Variants in GALNTL6 observed in about 807,000 individuals in gnomAD.
GALNTL6 encodes polypeptide N-acetylgalactosaminyltransferase like 6.
Under a neutral mutation model 73.7 loss-of-function variants are expected in GALNTL6, and 46 were observed. The ratio of observed to expected loss-of-function variants is 0.62; its 90% CI spans 0.49 to 0.80. The LOEUF is 0.80. GALNTL6 is among the 30% of genes least tolerant of loss of function. GALNTL6 has a pLI of 0.00. For missense variants in GALNTL6, 604 were observed against 755.0 expected, an observed-to-expected ratio of 0.80 and a Z score of 2.34; for synonymous variants, 259 against 263.7, an observed-to-expected ratio of 0.98 and a Z score of 0.17.
chr4:172,794,076 T>C (rs1037405569), intron 5 of GALNTL6, among the ~76,000 whole-genome samples: 22 of 152,302 alleles, frequency 1.4e-4, no homozygotes, highest in African/African-American at 4.1e-4. Flanking sequence ...CCTGCATCAT[T>C]GTTTTTCAAT....
chr4:172,826,304 C>T (rs1446977133), intron 7 of GALNTL6, among the ~76,000 whole-genome samples: 1 of 152,220 alleles, frequency 6.6e-6, no homozygotes, highest in East Asian at 1.9e-4. Context: ...CCTTAGCGTC[C>T]GTTCAGCTGT....
At chr4:172,955,170 G>T (rs758985973) in intron 10 of GALNTL6, among the ~76,000 whole-genome samples, 1 of 152,096 alleles carries the variant, frequency 6.6e-6, no homozygotes, top group Non-Finnish European at 1.5e-5. Flanking sequence ...ACTCTAGGTG[G>T]GTAATAATAT....
intron 2 of GALNTL6, among the ~76,000 whole-genome samples, chr4:171,976,419 T>G (rs977449122): frequency 6.6e-6 from 1 of 152,258 alleles, no homozygotes. Context: ...CAGAGAATGC[T>G]GTTTCTGCAG....
intron 2 of GALNTL6, among the ~76,000 whole-genome samples, chr4:172,113,895 T>G (rs1373634794): frequency 3.3e-5 from 5 of 152,086 alleles, no homozygotes; most frequent in Non-Finnish European, 7.4e-5. Flanking sequence ...TTTTATTCGT[T>G]TACTTGTTTT....
intron 5 of GALNTL6, among the ~76,000 whole-genome samples, chr4:172,802,196 C>A (rs1378232685): frequency 6.6e-6 from 1 of 152,112 alleles, no homozygotes; most frequent in African/African-American, 2.4e-5. Flanking sequence ...GTATTACCAG[C>A]AGCTGAACAG....
intron 3 of GALNTL6, among the ~76,000 whole-genome samples, chr4:172,235,991 C>T (rs1737227807): frequency 6.6e-6 from 1 of 152,124 alleles, no homozygotes; most frequent in African/African-American, 2.4e-5. Flanking sequence ...TTATTTCATT[C>T]ATTTTTATGG....
intron 2 of GALNTL6, among the ~76,000 whole-genome samples, chr4:172,153,182 T>C (rs1734152262): frequency 6.6e-6 from 1 of 152,160 alleles, no homozygotes; most frequent in Admixed American, 6.5e-5. Flanking sequence ...AATATACAGC[T>C]TTGACATCTG....
At chr4:172,620,014 C>T (rs748136901) in intron 5 of GALNTL6, among the ~76,000 whole-genome samples, 25 of 152,170 alleles carry the variant, frequency 1.6e-4, no homozygotes, top group Non-Finnish European at 2.9e-4. Flanking sequence ...GCTACCTTTC[C>T]TTTCATTATG....
chr4:172,183,594 C>G (rs1350408179), intron 2 of GALNTL6, among the ~76,000 whole-genome samples: 2 of 152,136 alleles, frequency 1.3e-5, no homozygotes, highest in African/African-American at 4.8e-5. Flanking sequence ...TTCATTTTGG[C>G]TTCTCTTATT....
chr4:172,783,943 G>A (rs1267080657), intron 5 of GALNTL6, among the ~76,000 whole-genome samples: 2 of 152,098 alleles, frequency 1.3e-5, no homozygotes, highest in African/African-American at 4.8e-5. Flanking sequence ...AAGCTGGTAA[G>A]ATTGTAGCAA....
At chr4:172,185,661 T>C (rs1735394498) in intron 2 of GALNTL6, among the ~76,000 whole-genome samples, 1 of 152,190 alleles carries the variant, frequency 6.6e-6, no homozygotes, top group Non-Finnish European at 1.5e-5. Context: ...TTAGTAAATA[T>C]TAAAAATGTG....
In GALNTL6 at chr4:172,329,786, T is replaced by G. The variant is rs73870084; in HGVS notation, c.386+18034T>G. On this transcript the variant is annotated intron_variant, in intron 4 of 12. Transcript: ENST00000506823. ...GCAACCCATCTGTCCCCCTGGGAAC[T>G]CCATCTCAGAGAAGCTGGGAACCAC... Among the ~76,000 whole-genome samples the G allele has an allele frequency of 9.0e-3, 1,372 of 152,248 alleles. 20 individuals are homozygous for G. The highest frequency in any genetic ancestry group is 0.031 in the African/African-American group (1,309 of 41,558).
At chr4:171,983,086 C>T (rs1739954295) in intron 2 of GALNTL6, among the ~76,000 whole-genome samples, 1 of 152,082 alleles carries the variant, frequency 6.6e-6, no homozygotes, top group African/African-American at 2.4e-5. Context: ...GACAGATGCT[C>T]CTATGATTTA....
At chr4:172,940,187 C>CTTTT (rs34843916) in intron 9 of GALNTL6, among the ~76,000 whole-genome samples, 2 of 128,834 alleles carry the variant, frequency 1.6e-5, no homozygotes, top group Non-Finnish European at 3.4e-5. Flanking sequence ...CCTCGCAAAA[C>CTTTT]TTTTTTTTTT....
At chr4:171,913,105 C>T (rs1414152338) in intron 2 of GALNTL6, among the ~76,000 whole-genome samples, 2 of 152,116 alleles carry the variant, frequency 1.3e-5, no homozygotes, top group South Asian at 2.1e-4. Context: ...TTTTTACTTA[C>T]ATTTTCCCAA....
intron 5 of GALNTL6, chr4:172,667,837 A>G (rs1478819872): frequency 3.3e-5 from 5 of 151,920 alleles, no homozygotes; most frequent in Admixed American, 1.3e-4. Context: ...CCTTACTCTC[A>G]CTCCTGCTTA....
rs79514689 is a variant in GALNTL6 at position 172,419,744 on chromosome 4, C to T, written c.553+71055C>T. ...TGGTGAGAGTTTTGTGTCTGTCTAC[C>T]TCCTTCTCACACATAAATTTGAGTG... On this transcript the variant is annotated intron_variant, in intron 5 of 12. Coordinates refer to ENST00000506823, the MANE Select transcript of GALNTL6 (RefSeq NM_001034845.3). Among the ~76,000 whole-genome samples the T allele has an allele frequency of 1.8e-3, 280 of 152,232 alleles. 2 individuals are homozygous for T. Among genetic ancestry groups the T allele is most frequent in the African/African-American group, 6.4e-3 (268 of 41,564 alleles).
At chr4:172,993,396 C>T (rs1421003225) in intron 10 of GALNTL6, among the ~76,000 whole-genome samples, 4 of 152,206 alleles carry the variant, frequency 2.6e-5, no homozygotes, top group Non-Finnish European at 5.9e-5. Flanking sequence ...TTGTTTAAGC[C>T]ACCTAATCTG....
chr4:172,441,505 C>G (rs925374990), intron 5 of GALNTL6, among the ~76,000 whole-genome samples: 1 of 152,116 alleles, frequency 6.6e-6, no homozygotes, highest in African/African-American at 2.4e-5. Flanking sequence ...TTTTTCAGCT[C>G]TCATGCCTTA....
Sources: gnomAD v4.1 joint callset for allele counts (sites outside exome capture counted in the v4.1 genomes callset) on GRCh38, gnomAD v4.1.1 for gene constraint, MANE v1.5 for transcripts, NCBI Gene and HGNC (gene_info 2026-07-23, HGNC 2026-07-21) for gene names.